PRSS3: variants seen among roughly 807,000 people sequenced by gnomAD.
PRSS3 encodes trypsin-3.
PRSS3 carries 14 observed loss-of-function variants against 20.8 expected under a neutral mutation model. The observed-to-expected ratio is 0.67, with a 90% CI of 0.44 to 1.05. PRSS3 has a LOEUF of 1.05. Ranked by LOEUF, PRSS3 falls within the 50% of genes least tolerant of loss-of-function variation. The pLI is 0.00. For synonymous variants in PRSS3, 91 were observed against 117.6 expected (o/e 0.77, Z 1.46); for missense variants, 237 against 306.4 (o/e 0.77, Z 1.69).
chr9:33,798,379 C>G, intron 3 of PRSS3, 107 bp from the exon 4 acceptor site: 1 of 1,532,780 alleles, frequency 6.5e-7, no homozygotes, highest in Non-Finnish European at 9.0e-7. Flanking sequence ...TTTTGGAGTC[C>G]TCTCCAGAGG....
At chr9:33,771,655 T>G (rs1353619663) in intron 1 of PRSS3, among the ~76,000 whole-genome samples, 4 of 146,850 alleles carry the variant, frequency 2.7e-5, no homozygotes, top group African/African-American at 1.0e-4. Flanking sequence ...GTTTTTTTTT[T>G]TTTTGAGACA....
chr9:33,776,981 A>G (rs182686139), intron 1 of PRSS3, among the ~76,000 whole-genome samples: 1 of 152,322 alleles, frequency 6.6e-6, no homozygotes, highest in East Asian at 1.9e-4. Flanking sequence ...ATCTGTAGAA[A>G]ACCTACCTAG....
chr9:33,754,072 TTCTC>T (rs1822821365), intron 1 of PRSS3, among the ~76,000 whole-genome samples: 1 of 152,104 alleles, frequency 6.6e-6, no homozygotes. Context: ...TTCTTTTCTT[TTCTC>T]TCTCTGTCTC....
chr9:33,780,566 G>A (rs1163782634), intron 1 of PRSS3, among the ~76,000 whole-genome samples: 2 of 152,110 alleles, frequency 1.3e-5, no homozygotes, highest in Non-Finnish European at 2.9e-5. Flanking sequence ...TACTAATCTT[G>A]AATATAAATG....
At chr9:33,775,864 G>A (rs539294841) in intron 1 of PRSS3, among the ~76,000 whole-genome samples, 16 of 151,874 alleles carry the variant, frequency 1.1e-4, no homozygotes, top group Non-Finnish European at 1.9e-4. Flanking sequence ...TACCACGCCC[G>A]GCTAATTTTT....
intron 1 of PRSS3, among the ~76,000 whole-genome samples, chr9:33,785,335 G>A (rs1193358563): frequency 4.0e-5 from 6 of 150,382 alleles, no homozygotes; most frequent in African/African-American, 4.9e-5. Context: ...CCGCCACTAC[G>A]CCCGGCTAAT....
chr9:33,794,184 C>G (rs375421044), upstream of PRSS3, among the ~76,000 whole-genome samples: 1 of 131,186 alleles, frequency 7.6e-6, no homozygotes, highest in Admixed American at 7.6e-5. Context: ...GATCTCAACA[C>G]GAAGTTTCTG....
chr9:33,795,219 T>TAGACACCC (rs1824849781), upstream of PRSS3, among the ~76,000 whole-genome samples: 1 of 152,110 alleles, frequency 6.6e-6, no homozygotes, highest in Non-Finnish European at 1.5e-5. Context: ...AAAGGACTCC[T>TAGACACCC]AGACACCCAG....
chr9:33,796,576 C>T (rs1476955080), intron 1 of PRSS3, 67 bp from the exon 2 acceptor site: 35 of 1,597,452 alleles, frequency 2.2e-5, no homozygotes, highest in Admixed American at 3.3e-5. Flanking sequence ...AGGAAGCAAC[C>T]GCAGGCTGGG....
chr9:33,754,334 T>C (rs369064518), intron 1 of PRSS3, among the ~76,000 whole-genome samples: 72 of 151,908 alleles, frequency 4.7e-4, no homozygotes, highest in African/African-American at 1.7e-3. Context: ...CCTCCCAAAG[T>C]GCTGAGATTA....
chr9:33,780,428 T>C (rs1228859260), intron 1 of PRSS3, among the ~76,000 whole-genome samples: 2 of 152,186 alleles, frequency 1.3e-5, no homozygotes, highest in East Asian at 3.8e-4. Flanking sequence ...AAATATGGAA[T>C]CTAGAGAACC....
At chr9:33,769,744 GC>G (rs1000350529) in intron 1 of PRSS3, among the ~76,000 whole-genome samples, 22 of 152,200 alleles carry the variant, frequency 1.4e-4, no homozygotes, top group African/African-American at 5.3e-4. Context: ...AGGCCAGGAT[GC>G]CCCAGCCCAG....
At chr9:33,771,629 G>GTTTTTTGGTT (rs1823697584) in intron 1 of PRSS3, among the ~76,000 whole-genome samples, 3 of 115,194 alleles carry the variant, frequency 2.6e-5, no homozygotes, top group East Asian at 2.4e-4. Context: ...ACTGGGTTTT[G>GTTTTTTGGTT]TTTTTTTGTT....
At chr9:33,763,197 T>A (rs1344815218) in intron 1 of PRSS3, among the ~76,000 whole-genome samples, 1 of 152,244 alleles carries the variant, frequency 6.6e-6, no homozygotes, top group East Asian at 1.9e-4. Context: ...AAGATAACAG[T>A]TGACTTAAGT....
At chr9:33,773,792 C>T (rs1823806252) in intron 1 of PRSS3, among the ~76,000 whole-genome samples, 1 of 151,764 alleles carries the variant, frequency 6.6e-6, no homozygotes, top group Non-Finnish European at 1.5e-5. Context: ...TACGGCGTGC[C>T]CTTCCATGCC....
chr9:33,779,958 A>G (rs1182402463), intron 1 of PRSS3, among the ~76,000 whole-genome samples: 14 of 151,720 alleles, frequency 9.2e-5, no homozygotes. Flanking sequence ...CATTCCTGAA[A>G]TAGGAGGAGA....
At chr9:33,762,523 A>G (rs1374117646) in intron 1 of PRSS3, among the ~76,000 whole-genome samples, 1 of 152,200 alleles carries the variant, frequency 6.6e-6, no homozygotes, top group African/African-American at 2.4e-5. Context: ...TAACCTTGTT[A>G]TTTGCAGAGT....
Position 33,784,155 on chromosome 9 carries a change from T to G in PRSS3, c.-52-10591T>G, listed in dbSNP as rs186709240. Among the ~76,000 whole-genome samples the G allele has an allele frequency of 7.9e-5, 12 of 152,248 alleles. No individual in the cohort carries two copies. The East Asian group carries it at 2.3e-3, about 29-fold the overall frequency. Reference sequence around the variant, plus strand: ...AGAGACTACTGCAGTTTGAAAGGCATGTAAAGAGAGGGGAATATGTTTGCA... The same window carrying G: ...AGAGACTACTGCAGTTTGAAAGGCAGGTAAAGAGAGGGGAATATGTTTGCA... On this transcript the variant is annotated intron_variant, in intron 1 of 5. Transcript: ENST00000342836.
intron 1 of PRSS3, among the ~76,000 whole-genome samples, chr9:33,751,491 G>A (rs1426055809): frequency 6.6e-6 from 1 of 152,164 alleles, no homozygotes; most frequent in Non-Finnish European, 1.5e-5. Context: ...GTGAGTTTCA[G>A]CCAGGGAAAC....
Sources: gnomAD v4.1 joint callset for allele counts (sites outside exome capture counted in the v4.1 genomes callset) on GRCh38, gnomAD v4.1.1 for gene constraint, MANE v1.5 for transcripts, NCBI Gene and HGNC (gene_info 2026-07-23, HGNC 2026-07-21) for gene names.